CEP63: variants seen among roughly 807,000 people sequenced by gnomAD.
CEP63 encodes the protein centrosomal protein 63.
In CEP63, 84 loss-of-function variants were observed where a neutral mutation model predicts 89.1. The ratio of observed to expected loss-of-function variants is 0.94; its 90% CI spans 0.79 to 1.13. The LOEUF is 1.13. Ranked by LOEUF, CEP63 falls within the 50% of genes most tolerant of loss-of-function variation. The pLI is 0.00. For synonymous variants in CEP63, 267 were observed against 272.5 expected, an observed-to-expected ratio of 0.98 and a Z score of 0.20; for missense variants, 838 against 813.3, an observed-to-expected ratio of 1.03 and a Z score of -0.37.
chr3:134,644,686 T>G, the CEP63 span, among the ~76,000 whole-genome samples: 1 of 152,234 alleles, frequency 6.6e-6, no homozygotes, highest in East Asian at 1.9e-4. Flanking sequence ...TAGATGATTC[T>G]TCTTGTGCAG....
chr3:134,612,723 C>G, the CEP63 span, among the ~76,000 whole-genome samples: 1 of 150,168 alleles, frequency 6.7e-6, no homozygotes, highest in African/African-American at 2.5e-5. Context: ...ATGTCAATCT[C>G]TCCAGTCAGC....
At chr3:134,613,994 TG>T in the CEP63 span, among the ~76,000 whole-genome samples, 1 of 152,072 alleles carries the variant, frequency 6.6e-6, no homozygotes, top group African/African-American at 2.4e-5. Flanking sequence ...CGCAACACAA[TG>T]TAACAACATA....
the CEP63 span, among the ~76,000 whole-genome samples, chr3:134,642,930 T>TGG: frequency 6.6e-6 from 1 of 152,190 alleles, no homozygotes; most frequent in Admixed American, 6.5e-5. Context: ...GGAGTACCTG[T>TGG]CAAACAGGGT....
chr3:134,679,971 G>T, the CEP63 span, among the ~76,000 whole-genome samples: 1 of 152,160 alleles, frequency 6.6e-6, no homozygotes, highest in South Asian at 2.1e-4. Context: ...CCAGCCACCT[G>T]CCTTGGCCTC....
downstream of CEP63, among the ~76,000 whole-genome samples, chr3:134,569,348 GA>G (rs1446558497): frequency 2.0e-5 from 3 of 152,222 alleles, no homozygotes; most frequent in Non-Finnish European, 2.9e-5. Context: ...CTGTAAAATC[GA>G]AAGTGAGTTA....
chr3:134,560,070 A>G (rs1957068207), intron 14 of CEP63, among the ~76,000 whole-genome samples: 1 of 152,236 alleles, frequency 6.6e-6, no homozygotes, highest in South Asian at 2.1e-4. Context: ...TACCAAGTCC[A>G]TGGAAAGGTT....
At chr3:134,610,538 T>C in the CEP63 span, 3 of 654,564 alleles carry the variant, frequency 4.6e-6, no homozygotes, top group Non-Finnish European at 7.8e-6. Context: ...ACAGCCTTGA[T>C]GGCTTTTATC....
chr3:134,740,225 G>T, the CEP63 span, among the ~76,000 whole-genome samples: 3 of 152,016 alleles, frequency 2.0e-5, no homozygotes, highest in African/African-American at 7.2e-5. Flanking sequence ...TTCAGTCATT[G>T]CATTTTGGGA....
At chr3:134,603,441 G>A in the CEP63 span, 1 of 734,058 alleles carries the variant, frequency 1.4e-6, no homozygotes, top group Admixed American at 2.7e-5. Flanking sequence ...CTGTGGCAGA[G>A]GTGGGACACT....
At chr3:134,492,076 T>TC (rs1364514057) in intron 1 of CEP63, among the ~76,000 whole-genome samples, 12 of 144,332 alleles carry the variant, frequency 8.3e-5, no homozygotes, top group Admixed American at 2.8e-4. Flanking sequence ...TATTCTTTTT[T>TC]TTTTTTTTTT....
chr3:134,782,010 A>G, the CEP63 span, among the ~76,000 whole-genome samples: 2 of 152,182 alleles, frequency 1.3e-5, no homozygotes, highest in Non-Finnish European at 2.9e-5. Flanking sequence ...ATGAAATGTA[A>G]TGTTTTCTCT....
chr3:134,534,663 T>G (rs1307210866), intron 5 of CEP63, among the ~76,000 whole-genome samples: 3 of 152,168 alleles, frequency 2.0e-5, no homozygotes, highest in Non-Finnish European at 4.4e-5. Context: ...TTCTGCCCAC[T>G]CTCTACCTGT....
At chr3:134,578,587 C>T (rs1408506969), downstream of CEP63, among the ~76,000 whole-genome samples, 1 of 152,156 alleles carries the variant, frequency 6.6e-6, no homozygotes, top group South Asian at 2.1e-4. Flanking sequence ...ACCTTGGCCT[C>T]CCAAAGTACT....
At chr3:134,505,469 G>T (rs534042110) in intron 2 of CEP63, among the ~76,000 whole-genome samples, 2 of 152,326 alleles carry the variant, frequency 1.3e-5, no homozygotes, top group South Asian at 4.1e-4. Flanking sequence ...AGGGACACCA[G>T]GCAGACTGGT....
At chr3:134,492,561 C>A (rs1234613130) in intron 1 of CEP63, among the ~76,000 whole-genome samples, 1 of 150,040 alleles carries the variant, frequency 6.7e-6, no homozygotes, top group Non-Finnish European at 1.5e-5. Context: ...TATTACTGGT[C>A]CACTTCCCTC....
At chr3:134,625,142 AC>A in the CEP63 span, 1 of 1,590,914 alleles carries the variant, frequency 6.3e-7, no homozygotes, top group Non-Finnish European at 8.6e-7. Context: ...TAGGCTGGAA[AC>A]ACAGGGCACC....
At chr3:134,547,079 T>C (rs879634340) in intron 8 of CEP63, among the ~76,000 whole-genome samples, 1 of 152,244 alleles carries the variant, frequency 6.6e-6, no homozygotes, top group Non-Finnish European at 1.5e-5. Flanking sequence ...GTCACTGAAG[T>C]GATTTTGCCA....
chr3:134,643,858 G>C, the CEP63 span, among the ~76,000 whole-genome samples: 1 of 139,748 alleles, frequency 7.2e-6, no homozygotes, highest in Non-Finnish European at 1.5e-5. Flanking sequence ...ACGGAGTCTC[G>C]CTCTGTCACC....
At chr3:134,652,452 C>CA in the CEP63 span, among the ~76,000 whole-genome samples, 3 of 150,402 alleles carry the variant, frequency 2.0e-5, no homozygotes, top group African/African-American at 7.4e-5. Flanking sequence ...GCGCCCCCCC[C>CA]CACCACCCCA....
Sources: gnomAD v4.1 joint callset for allele counts (sites outside exome capture counted in the v4.1 genomes callset) on GRCh38, gnomAD v4.1.1 for gene constraint, MANE v1.5 for transcripts, NCBI Gene and HGNC (gene_info 2026-07-23, HGNC 2026-07-21) for gene names.